The following SGCE variants were observed in gnomAD, a reference collection of about 807,000 sequenced individuals.
The protein encoded by SGCE is epsilon-sarcoglycan.
Under a neutral mutation model 57.8 loss-of-function variants are expected in SGCE, and 26 were observed. The ratio of observed to expected loss-of-function variants is 0.45; its 90% CI spans 0.33 to 0.62. The LOEUF is 0.62. Among genes scored for constraint, SGCE ranks in the 20% least tolerant of loss-of-function variants. SGCE has a pLI of 0.02. For synonymous variants in SGCE, 183 were observed against 189.5 expected (o/e 0.97, Z 0.28); for missense variants, 468 against 548.6 (o/e 0.85, Z 1.47).
chr7:94,587,116 A>AGGT lies in SGCE; in HGVS notation c.1297+1570_1297+1572dup, dbSNP rs1353901259. On this transcript the variant is annotated intron_variant, in intron 10 of 10. Coordinates refer to ENST00000648936, the MANE Select transcript of SGCE (RefSeq NM_003919.3). ...TTTCAGAAAAATAATTTTATAAATTAGGTTAAACAACCTTAAAATCCCCTA... is the reference window on the plus strand; with the variant it reads ...TTTCAGAAAAATAATTTTATAAATTAGGTGGTTAAACAACCTTAAAATCCCCTA... The AGGT allele has an allele frequency of 5.4e-5, 53 of 983,888 alleles. No homozygotes were observed. In the East Asian group the frequency reaches 5.2e-3, roughly 97 times the overall value. 60.9% of individuals were successfully genotyped at this position (983,888 alleles called of 1,614,324 possible). A position where few individuals can be genotyped will look rare whatever the true frequency, so the allele number is the denominator to read the frequency against.
At chr7:94,636,478 G>A (rs377094572) in intron 1 of SGCE, among the ~76,000 whole-genome samples, 3 of 152,092 alleles carry the variant, frequency 2.0e-5, no homozygotes, top group African/African-American at 2.4e-5. Flanking sequence ...AAAATTGAAC[G>A]TAGAGGGACT....
intron 2 of SGCE, 141 bp downstream of exon 2, chr7:94,629,578 G>T (rs973419741): frequency 5.1e-6 from 4 of 790,472 alleles, no homozygotes; most frequent in African/African-American, 1.8e-5. Flanking sequence ...CTGTAAATGA[G>T]AAATATCCTA....
At chr7:94,640,991 A>G in intron 1 of SGCE, 1 of 152,276 alleles carries the variant, frequency 6.6e-6, no homozygotes, top group East Asian at 1.9e-4. Flanking sequence ...AAGAATGCTC[A>G]AAAGGTAAGA....
At chr7:94,623,955 T>A (rs1210198221) in intron 3 of SGCE, 14 of 377,002 alleles carry the variant, frequency 3.7e-5, no homozygotes, top group Admixed American at 3.6e-4. Context: ...TTATGGAACA[T>A]GCTCAAAAAC....
At position 94,626,292 on chromosome 7, in the gene SGCE, T is replaced by A. The variant is rs116108346; in HGVS notation, c.390+1910A>T. 1,303 of 152,192 alleles carry A rather than the reference T, an allele frequency of 8.6e-3. 26 individuals are homozygous for A. Among genetic ancestry groups the A allele is most frequent in the African/African-American group, 0.03 (1,240 of 41,552 alleles). 9.4% of individuals were successfully genotyped at this position (152,192 alleles called of 1,614,324 possible). On this transcript the variant is annotated intron_variant, in intron 3 of 10. Coordinates refer to ENST00000648936, the MANE Select transcript of SGCE (RefSeq NM_003919.3). ...CATTCACAAATTTCATATAGTGAAA[T>A]TGATAAATTTTTTCTCTTAAAAATA...
chr7:94,619,515 A>G (rs1017258834), intron 4 of SGCE: 2 of 152,316 alleles, frequency 1.3e-5, no homozygotes, highest in African/African-American at 2.4e-5. Flanking sequence ...ATCTTAAAAC[A>G]ACCCCATGTC....
At chr7:94,606,643 A>T (rs975278259) in intron 5 of SGCE, among the ~76,000 whole-genome samples, 5 of 152,218 alleles carry the variant, frequency 3.3e-5, no homozygotes, top group Non-Finnish European at 7.3e-5. Context: ...ATAGACACTT[A>T]GAGACTACTT....
intron 10 of SGCE, chr7:94,587,181 T>A: frequency 1.0e-6 from 1 of 985,212 alleles, no homozygotes; most frequent in Non-Finnish European, 1.2e-6. Flanking sequence ...AGGCATAAAT[T>A]GTCCTTGTAT....
chr7:94,643,614 T>A (rs1416225571), intron 1 of SGCE, among the ~76,000 whole-genome samples: 1 of 152,154 alleles, frequency 6.6e-6, no homozygotes, highest in Non-Finnish European at 1.5e-5. Context: ...CAAGACACGA[T>A]GCCACGAATG....
At position 94,603,233 on chromosome 7, in the gene SGCE, G is replaced by A. The variant is rs186228269; in HGVS notation, c.825+57C>T. 5.4e-4 allele frequency: 770 copies of A among 1,413,298 alleles called. 6 individuals are homozygous for A. In the African/African-American group the frequency reaches 9.9e-3, roughly 18 times the overall value. 87.5% of individuals were successfully genotyped at this position (1,413,298 alleles called of 1,614,324 possible). Reference sequence around the variant, plus strand: ...AAAGCAGTTCAGGTTTTAGTCAAACGTTAACTCCAGCCACATTATTTTTAA... The same window carrying A: ...AAAGCAGTTCAGGTTTTAGTCAAACATTAACTCCAGCCACATTATTTTTAA... On this transcript the variant is annotated intron_variant, in intron 6 of 10. Coordinates refer to ENST00000648936, the MANE Select transcript of SGCE (RefSeq NM_003919.3).
chr7:94,615,298 G>A (rs892011229), intron 5 of SGCE, among the ~76,000 whole-genome samples: 2 of 152,108 alleles, frequency 1.3e-5, no homozygotes, highest in African/African-American at 4.8e-5. Context: ...GGCAGAGGTT[G>A]CTGTGAGTCG....
chr7:94,621,443 T>G (rs998336033), intron 4 of SGCE: 2 of 152,266 alleles, frequency 1.3e-5, no homozygotes, highest in Non-Finnish European at 2.9e-5. Context: ...AATCCTACAG[T>G]TGTCTAGCAG....
chr7:94,654,392 A>G (rs1435395351), intron 1 of SGCE, among the ~76,000 whole-genome samples: 2 of 152,220 alleles, frequency 1.3e-5, no homozygotes, highest in Admixed American at 6.5e-5. Context: ...TAGGTGAAGT[A>G]ACTTTCGAAT....
intron 7 of SGCE, chr7:94,600,049 A>G (rs996013777): frequency 1.6e-5 from 4 of 248,696 alleles, no homozygotes; most frequent in African/African-American, 9.1e-5. Flanking sequence ...TTAATTTTTT[A>G]TCCTTTGCTT....
intron 5 of SGCE, among the ~76,000 whole-genome samples, chr7:94,614,605 C>T (rs1188094469): frequency 6.6e-6 from 1 of 152,188 alleles, no homozygotes; most frequent in Non-Finnish European, 1.5e-5. Flanking sequence ...CTCATTTTCT[C>T]AGCAGGCTAA....
rs1804372520 is a variant in SGCE, at chr7:94,629,729, G to A, written c.222C>T (p.Tyr74=). 1.9e-6 allele frequency: 3 copies of A among 1,611,006 alleles called. No individual in the cohort carries two copies. The highest frequency in any genetic ancestry group is 1.7e-6 in the Non-Finnish European group (2 of 1,177,722). The change falls in exon 2 of 11, where the codon TAC becomes TAT. Residue 74 remains tyrosine, a synonymous_variant. Transcript: ENST00000648936. The stretch of plus-strand genomic sequence containing the variant: ...TCACAAAGAACATACCAGGTTTTGG[G>A]TAAGGTGGAAATTCCCCCTTAAAAT... ...REYFKGEFPP[Y]PKPGEISNDP...
intron 5 of SGCE, among the ~76,000 whole-genome samples, chr7:94,611,859 T>TA (rs1232955247): frequency 6.6e-6 from 1 of 152,170 alleles, no homozygotes; most frequent in Non-Finnish European, 1.5e-5. Context: ...GATTATCTTT[T>TA]AAAAAACCTA....
At chr7:94,588,590 T>C in intron 10 of SGCE, 99 bp downstream of exon 10, 2 of 1,553,154 alleles carry the variant, frequency 1.3e-6, no homozygotes, top group Non-Finnish European at 1.7e-6. Context: ...TTTGCCTTAT[T>C]TGGTGAAGAT....
Position 94,587,803 on chromosome 7 carries a change from C to T in SGCE, c.1297+886G>A, listed in dbSNP as rs370584439. The T allele has an allele frequency of 1.0e-5, 16 of 1,546,492 alleles. No homozygotes were observed. The highest frequency in any genetic ancestry group is 5.5e-5 in the African/African-American group (4 of 73,032). ...CTCAAATCTTTGAAAAGTTGTCAAACGAAAATCTCCTTAAATTCACGAAAG... is the reference window on the plus strand; with the variant it reads ...CTCAAATCTTTGAAAAGTTGTCAAATGAAAATCTCCTTAAATTCACGAAAG... On this transcript the variant is annotated intron_variant, in intron 10 of 10. Transcript: ENST00000648936.
Sources: gnomAD v4.1 joint callset for allele counts (sites outside exome capture counted in the v4.1 genomes callset) on GRCh38, gnomAD v4.1.1 for gene constraint, MANE v1.5 for transcripts, NCBI Gene and HGNC (gene_info 2026-07-23, HGNC 2026-07-21) for gene names.